EYS: variants seen among roughly 807,000 people sequenced by gnomAD.
EYS encodes EGF-like photoreceptor maintenance factor.
EYS carries 250 observed loss-of-function variants against 282.1 expected under a neutral mutation model. The observed-to-expected ratio is 0.89, with a 90% confidence interval of 0.80 to 0.98. EYS has a LOEUF of 0.98. Ranked by LOEUF, EYS falls within the 50% of genes least tolerant of loss-of-function variation. The probability of loss-of-function intolerance (pLI) is 0.00; values close to 1 mark genes in which losing one functional copy is unlikely to be tolerated. For synonymous variants in EYS, 1,355 were observed against 1,282.9 expected, an observed-to-expected ratio of 1.06 and a Z score of -1.20; for missense variants, 4,016 against 3,709.0, an observed-to-expected ratio of 1.08 and a Z score of -2.15.
intron 12 of EYS, among the ~76,000 whole-genome samples, chr6:65,230,767 C>T (rs531122471): frequency 6.6e-6 from 1 of 151,346 alleles, no homozygotes; most frequent in South Asian, 2.1e-4. Flanking sequence ...CTGGAATATC[C>T]CTCTTTTATA....
intron 9 of EYS, among the ~76,000 whole-genome samples, chr6:65,346,095 C>T (rs1247607422): frequency 2.6e-5 from 4 of 151,664 alleles, no homozygotes; most frequent in African/African-American, 9.7e-5. Flanking sequence ...ATCTCAGGAG[C>T]GCCTGCCTTA....
intron 22 of EYS, among the ~76,000 whole-genome samples, chr6:64,687,122 G>C (rs1257634699): frequency 1.3e-5 from 2 of 151,364 alleles, no homozygotes; most frequent in African/African-American, 2.4e-5. Context: ...ATTTAACGTA[G>C]AAATAATGCT....
intron 14 of EYS, among the ~76,000 whole-genome samples, chr6:64,951,247 T>A (rs1391215400): frequency 1.3e-5 from 2 of 151,870 alleles, no homozygotes; most frequent in South Asian, 4.1e-4. Flanking sequence ...TATCTTACAG[T>A]CTTGTTAAAC....
chr6:64,365,923 C>T (rs1012981458), intron 29 of EYS, among the ~76,000 whole-genome samples: 1 of 151,974 alleles, frequency 6.6e-6, no homozygotes, highest in African/African-American at 2.4e-5. Context: ...TCTGCAGAAG[C>T]ACTAACTAGA....
intron 41 of EYS, among the ~76,000 whole-genome samples, chr6:63,762,102 G>A (rs1769657278): frequency 6.6e-6 from 1 of 152,008 alleles, no homozygotes; most frequent in Non-Finnish European, 1.5e-5. Context: ...TTTTGAGTGA[G>A]ATGGAAAATA....
chr6:63,956,625 T>C (rs1034030327), intron 35 of EYS, among the ~76,000 whole-genome samples: 7 of 152,238 alleles, frequency 4.6e-5, no homozygotes, highest in Non-Finnish European at 8.8e-5. Context: ...GATGTCTTTA[T>C]AAGACACAAG....
At chr6:65,524,483 T>C (rs1054853974) in intron 2 of EYS, among the ~76,000 whole-genome samples, 4 of 152,210 alleles carry the variant, frequency 2.6e-5, no homozygotes, top group Non-Finnish European at 5.9e-5. Context: ...GTGAATCATA[T>C]ACATGAAGCA....
intron 13 of EYS, among the ~76,000 whole-genome samples, chr6:65,044,991 A>G (rs1364471430): frequency 2.6e-5 from 4 of 151,658 alleles, no homozygotes; most frequent in Non-Finnish European, 5.9e-5. Context: ...AGAAATACAC[A>G]TTTTACTCAG....
At chr6:63,743,807 A>G (rs545543079) in intron 41 of EYS, among the ~76,000 whole-genome samples, 3 of 152,226 alleles carry the variant, frequency 2.0e-5, no homozygotes, top group Non-Finnish European at 4.4e-5. Context: ...CTAAAAAGGA[A>G]GAGAAATCTC....
At chr6:65,143,640 C>T (rs567653959) in intron 12 of EYS, among the ~76,000 whole-genome samples, 3 of 152,100 alleles carry the variant, frequency 2.0e-5, no homozygotes, top group South Asian at 2.1e-4. Context: ...TCTCAATTTA[C>T]GGTTTTGTTA....
intron 12 of EYS, among the ~76,000 whole-genome samples, chr6:65,224,636 C>T (rs906072642): frequency 2.0e-5 from 3 of 151,902 alleles, no homozygotes; most frequent in African/African-American, 7.3e-5. Flanking sequence ...TTTGAATTGA[C>T]AAACCTTTAG....
chr6:64,478,602 A>G (rs937610599), intron 26 of EYS, among the ~76,000 whole-genome samples: 8 of 151,004 alleles, frequency 5.3e-5, no homozygotes, highest in African/African-American at 1.9e-4. Context: ...TATTAATAAT[A>G]CTAATATTTA....
At chr6:63,835,442 C>A (rs1224737851) in intron 36 of EYS, among the ~76,000 whole-genome samples, 1 of 151,724 alleles carries the variant, frequency 6.6e-6, no homozygotes, top group African/African-American at 2.4e-5. Context: ...AAATTAGAAA[C>A]TATTAATTCT....
chr6:64,284,636 G>T (rs757353099), intron 30 of EYS, among the ~76,000 whole-genome samples: 37 of 152,308 alleles, frequency 2.4e-4, no homozygotes, highest in Non-Finnish European at 2.6e-4. Flanking sequence ...GGTTCTCGAT[G>T]AGAGCCCCAC....
intron 22 of EYS, among the ~76,000 whole-genome samples, chr6:64,652,181 A>G (rs1019488160): frequency 3.3e-5 from 5 of 152,194 alleles, no homozygotes; most frequent in Non-Finnish European, 5.9e-5. Context: ...CATGTATATA[A>G]TCTTCTCTTA....
chr6:64,812,475 C>T (rs1489496246), intron 22 of EYS, among the ~76,000 whole-genome samples: 1 of 151,652 alleles, frequency 6.6e-6, no homozygotes, highest in Admixed American at 6.6e-5. Flanking sequence ...CAGTAGATAC[C>T]AAAATATATA....
chr6:64,684,517 CTT>C (rs1770017197), intron 22 of EYS, among the ~76,000 whole-genome samples: 1 of 151,602 alleles, frequency 6.6e-6, no homozygotes, highest in Non-Finnish European at 1.5e-5. Context: ...TAGGTAAAGT[CTT>C]ATATTTTCTC....
At chr6:64,749,020 G>A (rs1386132078) in intron 22 of EYS, among the ~76,000 whole-genome samples, 1 of 152,162 alleles carries the variant, frequency 6.6e-6, no homozygotes, top group South Asian at 2.1e-4. Flanking sequence ...TGATCCACCC[G>A]CCTTGGCCTC....
At chr6:63,846,972 T>G (rs544501362) in intron 36 of EYS, among the ~76,000 whole-genome samples, 2 of 152,248 alleles carry the variant, frequency 1.3e-5, no homozygotes, top group Non-Finnish European at 2.9e-5. Flanking sequence ...TGAAGCCTGG[T>G]TTTTAGGAAT....
Sources: gnomAD v4.1 joint callset for allele counts (sites outside exome capture counted in the v4.1 genomes callset) on GRCh38, gnomAD v4.1.1 for gene constraint, MANE v1.5 for transcripts, NCBI Gene and HGNC (gene_info 2026-07-23, HGNC 2026-07-21) for gene names.